Variants in GRIK2 observed in about 807,000 individuals in gnomAD.
The protein encoded by GRIK2 is glutamate ionotropic receptor kainate type subunit 2.
Under a neutral mutation model 100.3 loss-of-function variants are expected in GRIK2, and 32 were observed. That is an observed-to-expected ratio of 0.32 (90% CI 0.24 to 0.43). GRIK2 has a LOEUF of 0.43. GRIK2 is among the 20% of genes least tolerant of loss of function. The pLI is 1.00. For missense variants in GRIK2, 843 were observed against 1,114.9 expected (o/e 0.76, Z 3.47); for synonymous variants, 417 against 389.4 (o/e 1.07, Z -0.83).
chr6:101,399,183 G>T lies in GRIK2; in HGVS notation c.-95G>T. 1.3e-6 allele frequency: 1 copy of T among 742,454 alleles called. No homozygotes were observed. Among genetic ancestry groups the T allele is most frequent in the East Asian group, 2.5e-5 (1 of 40,544 alleles). 46.0% of individuals were successfully genotyped at this position (742,454 alleles called of 1,614,324 possible). A position where few individuals can be genotyped will look rare whatever the true frequency, so the allele number is the denominator to read the frequency against. ...ATGACCATGCCGTGATCGTGTCTGC[G>T]GTCACCACTCGACGCATCCTCATTT... On this transcript the variant is annotated 5_prime_UTR_variant, in exon 2 of 17. Transcript: ENST00000369134.
intron 4 of GRIK2, among the ~76,000 whole-genome samples, chr6:101,631,545 A>G (rs1450862219): frequency 6.6e-6 from 1 of 152,144 alleles, no homozygotes; most frequent in Admixed American, 6.6e-5. Flanking sequence ...CTTCAAAACA[A>G]TTCTGTGTGT....
At chr6:101,965,654 C>T (rs904461639) in intron 14 of GRIK2, among the ~76,000 whole-genome samples, 1 of 152,080 alleles carries the variant, frequency 6.6e-6, no homozygotes, top group Non-Finnish European at 1.5e-5. Flanking sequence ...AATGTATTGA[C>T]ATTTTATACT....
chr6:101,590,067 T>C (rs1054072027), intron 2 of GRIK2, among the ~76,000 whole-genome samples: 1 of 152,132 alleles, frequency 6.6e-6, no homozygotes, highest in Non-Finnish European at 1.5e-5. Flanking sequence ...TCAGGATACA[T>C]TTAGGCATAT....
intron 2 of GRIK2, among the ~76,000 whole-genome samples, chr6:101,585,408 C>G (rs1778312138): frequency 6.6e-6 from 1 of 152,026 alleles, no homozygotes; most frequent in South Asian, 2.1e-4. Flanking sequence ...TTCAATCATT[C>G]AGTCATTCAA....
rs372759451 is a variant in GRIK2, at chr6:101,795,293, T to A, written c.952-4355T>A. 1.5e-3 allele frequency among the ~76,000 whole-genome samples: 225 copies of A among 152,330 alleles called. 7 individuals carry two copies. In the South Asian group the frequency reaches 0.044, roughly 30 times the overall value. On this transcript the variant is annotated intron_variant, in intron 7 of 16. Transcript: ENST00000369134. The stretch of plus-strand genomic sequence containing the variant: ...GGTTAGCAGTAGCATAGTCCTCATA[T>A]GATTTTTACAGCATCAGTGGTGTCT...
At chr6:101,738,270 T>G (rs1775800856) in intron 7 of GRIK2, among the ~76,000 whole-genome samples, 1 of 140,240 alleles carries the variant, frequency 7.1e-6, no homozygotes, top group Non-Finnish European at 1.5e-5. Flanking sequence ...AAATGTCAAT[T>G]GTAATTGTAA....
chr6:101,932,716 T>C (rs1269518516), intron 14 of GRIK2, among the ~76,000 whole-genome samples: 1 of 151,950 alleles, frequency 6.6e-6, no homozygotes, highest in Admixed American at 6.6e-5. Flanking sequence ...CATTTTTGTA[T>C]CTCTAGTTCT....
At chr6:101,859,236 T>C (rs369725553) in intron 10 of GRIK2, 51 bp from the exon 11 acceptor site, 4 of 910,668 alleles carry the variant, frequency 4.4e-6, no homozygotes, top group African/African-American at 1.6e-5. Context: ...ATTCTGATGA[T>C]GAGTTTCATG....
chr6:101,413,021 A>G (rs563444696), intron 2 of GRIK2, among the ~76,000 whole-genome samples: 7 of 152,198 alleles, frequency 4.6e-5, no homozygotes, highest in African/African-American at 1.7e-4. Context: ...AATTCCTGGC[A>G]GGTAGCCAGA....
chr6:101,486,740 T>C (rs769635633), intron 2 of GRIK2, among the ~76,000 whole-genome samples: 6 of 117,134 alleles, frequency 5.1e-5, no homozygotes, highest in Non-Finnish European at 1.1e-4. Context: ...TAGTTTAGGC[T>C]TAGGTAATCA....
intron 3 of GRIK2, among the ~76,000 whole-genome samples, chr6:101,625,376 AAAAT>A (rs1394722910): frequency 1.3e-4 from 19 of 145,304 alleles, no homozygotes; most frequent in African/African-American, 4.5e-4. Context: ...CTATATCAAC[AAAAT>A]AAATAATAAA....
intron 2 of GRIK2, among the ~76,000 whole-genome samples, chr6:101,547,341 T>G (rs1169231669): frequency 2.0e-5 from 3 of 152,362 alleles, no homozygotes; most frequent in African/African-American, 7.2e-5. Flanking sequence ...TATTATACTT[T>G]AAGTTTTAGG....
At chr6:101,886,750 C>A (rs1786648259) in intron 11 of GRIK2, among the ~76,000 whole-genome samples, 2 of 151,516 alleles carry the variant, frequency 1.3e-5, no homozygotes, top group South Asian at 4.2e-4. Context: ...CTTTGACCAG[C>A]ATCTTGACAA....
intron 2 of GRIK2, among the ~76,000 whole-genome samples, chr6:101,597,084 T>C (rs1305622169): frequency 6.6e-6 from 1 of 151,912 alleles, no homozygotes; most frequent in Non-Finnish European, 1.5e-5. Context: ...ATTATGTCCT[T>C]TGCAGCAACA....
rs1443521242 is a variant in GRIK2 at position 101,399,152 on chromosome 6, C to G, written c.-126C>G. The stretch of plus-strand genomic sequence containing the variant: ...GTTTGGGAAGCGGAGACTCCTTCCT[C>G]TCTCTATGACCATGCCGTGATCGTG... On this transcript the variant is annotated 5_prime_UTR_variant, in exon 2 of 17. Coordinates refer to ENST00000369134, the MANE Select transcript of GRIK2 (RefSeq NM_021956.5). 2 of 621,398 alleles carry G rather than the reference C, an allele frequency of 3.2e-6. No individual in the cohort carries two copies. The highest frequency in any genetic ancestry group is 4.0e-5 in the South Asian group (2 of 50,434). The allele number at this position is 621,398 out of a possible 1,614,324, so 38.5% of individuals were successfully genotyped here.
chr6:101,612,821 G>C (rs1779741392), intron 2 of GRIK2, among the ~76,000 whole-genome samples: 1 of 151,314 alleles, frequency 6.6e-6, no homozygotes, highest in Non-Finnish European at 1.5e-5. Flanking sequence ...AAGCAATGGA[G>C]GCATTTGATT....
chr6:101,861,307 A>C (rs1051981326), intron 11 of GRIK2, among the ~76,000 whole-genome samples: 17 of 152,284 alleles, frequency 1.1e-4, no homozygotes, highest in Middle Eastern at 3.4e-3. Flanking sequence ...GTTTGTGTTG[A>C]GGGCTAAAAC....
intron 11 of GRIK2, chr6:101,860,824 TC>T (rs1280528013): frequency 1.3e-5 from 3 of 229,190 alleles, no homozygotes; most frequent in African/African-American, 2.3e-5. Context: ...ACTATGGGGT[TC>T]CCTGGGCAGG....
At chr6:101,605,778 C>T (rs1779413910) in intron 2 of GRIK2, among the ~76,000 whole-genome samples, 1 of 151,968 alleles carries the variant, frequency 6.6e-6, no homozygotes, top group South Asian at 2.1e-4. Flanking sequence ...TTGGTAGAGG[C>T]TCAAATCAGT....
Sources: gnomAD v4.1 joint callset for allele counts (sites outside exome capture counted in the v4.1 genomes callset) on GRCh38, gnomAD v4.1.1 for gene constraint, MANE v1.5 for transcripts, NCBI Gene and HGNC (gene_info 2026-07-23, HGNC 2026-07-21) for gene names.